ATP5F1A: variants seen among roughly 807,000 people sequenced by gnomAD.
ATP5F1A encodes ATP synthase F1 subunit alpha, also known as ATP synthase F(1) complex subunit alpha, mitochondrial.
A neutral mutation model predicts 57.4 loss-of-function variants in ATP5F1A; 24 were observed. The observed-to-expected ratio is 0.42, with a 90% CI of 0.30 to 0.59. The LOEUF (loss-of-function observed/expected upper bound fraction) is 0.59, where lower values mean the gene tolerates loss of function less well. Among genes scored for constraint, ATP5F1A ranks in the 20% least tolerant of loss-of-function variants. The pLI is 0.19. For missense variants in ATP5F1A, 494 were observed against 707.9 expected, an observed-to-expected ratio of 0.70 and a Z score of 3.43; for synonymous variants, 251 against 255.5, an observed-to-expected ratio of 0.98 and a Z score of 0.17.
In ATP5F1A at chr18:46,087,044, G is replaced by A. The variant is rs1045933115; in HGVS notation, c.1140C>T (p.Tyr380=). ...IETQAGDVSA[Y]IPTNVISITD... is the part of the protein sequence containing the mutation. ...TGATGGAAATGACATTTGTTGGAAT[G>A]TAAGCAGACACATCACCAGCCTGTG... The change falls in exon 8 of 12, where the codon TAC becomes TAT. Residue 380 remains tyrosine (Y), a synonymous_variant. Coordinates refer to ENST00000398752, the MANE Select transcript of ATP5F1A (RefSeq NM_004046.6). The A allele has an allele frequency of 3.1e-6, 5 of 1,613,872 alleles. No homozygotes were observed. Among genetic ancestry groups the A allele is most frequent in the East Asian group, 2.2e-5 (1 of 44,904 alleles).
rs141613719 is a variant in ATP5F1A, at chr18:46,086,195, G to A, written c.1347C>T (p.Phe449=). 93 of 1,612,600 alleles carry A rather than the reference G, an allele frequency of 5.8e-5. No homozygotes were observed. Among genetic ancestry groups the A allele is most frequent in the Middle Eastern group, 2.0e-4 (1 of 4,932 alleles). ...GAGTGGCAGCATCGAGGTCAGAACC[G>A]AACTGGGCAAAAGCAGCAACCTCAC... ...QYREVAAFAQ[F]GSDLDAATQQ... The change falls in exon 10 of 12, where the codon TTC becomes TTT. Residue 449 remains phenylalanine (F), a synonymous_variant. Transcript: ENST00000398752.
At chr18:46,092,792 A>G (rs1462999727) in intron 2 of ATP5F1A, among the ~76,000 whole-genome samples, 1 of 152,048 alleles carries the variant, frequency 6.6e-6, no homozygotes, top group East Asian at 1.9e-4. Context: ...TTAATTTCTA[A>G]GAAATCTGTA....
chr18:46,084,843 T>A, intron 10 of ATP5F1A, 189 bp from the exon 11 acceptor site: 1 of 536,966 alleles, frequency 1.9e-6, no homozygotes, highest in South Asian at 4.3e-5. Context: ...AAAACAGTTA[T>A]TTCTTATATT....
intron 8 of ATP5F1A, chr18:46,086,771 G>T: frequency 3.3e-6 from 2 of 605,312 alleles, no homozygotes; most frequent in African/African-American, 1.8e-5. Context: ...CTAGAAGGGA[G>T]AACAGTAGTG....
chr18:46,088,077 T>A (rs1910255201), intron 6 of ATP5F1A, 32 bp downstream of exon 6: 2 of 1,583,098 alleles, frequency 1.3e-6, no homozygotes, highest in Non-Finnish European at 1.7e-6. Context: ...GGACTTAAGA[T>A]AATAGCAATG....
intron 10 of ATP5F1A, chr18:46,085,306 TAA>T (rs570529381): frequency 7.2e-4 from 77 of 106,496 alleles, no homozygotes; most frequent in African/African-American, 1.2e-3. Flanking sequence ...GACTCTGTAT[TAA>T]AAAAAAAAAA....
At chr18:46,087,722 A>G in intron 6 of ATP5F1A, 1 of 509,138 alleles carries the variant, frequency 2.0e-6, no homozygotes. Context: ...TCTACTAAAA[A>G]TACAAAAATT....
chr18:46,091,855 T>A lies in ATP5F1A; in HGVS notation c.140-4A>T. On this transcript the variant is annotated splice_region_variant and splice_polypyrimidine_tract_variant and intron_variant, in intron 2 of 11. Transcript: ENST00000398752. The stretch of plus-strand genomic sequence containing the variant: ...ATAGAGGACATCTCAGCAGTCCCTA[T>A]GGAAGACAATTCAATTCAATTAAAA... 6.2e-7 allele frequency: 1 copy of A among 1,607,006 alleles called. No individual in the cohort carries two copies. The highest frequency in any genetic ancestry group is 8.5e-7 in the Non-Finnish European group (1 of 1,178,170).
rs977987266 is a variant in ATP5F1A, at chr18:46,088,107, A to C, written c.799+2T>G. 6.3e-7 allele frequency: 1 copy of C among 1,592,020 alleles called. No homozygotes were observed. The highest frequency in any genetic ancestry group is 8.5e-7 in the Non-Finnish European group (1 of 1,175,764). On this transcript the variant is annotated splice_donor_variant, in intron 6 of 11. Coordinates refer to ENST00000398752, the MANE Select transcript of ATP5F1A (RefSeq NM_004046.6). LOFTEE classifies it high-confidence loss of function. Reference sequence around the variant, plus strand: ...GCAATGGGACTAAATTTCTTTTAATACCTGCATCTGTAAGTCTCTTCACCA... The same window carrying C: ...GCAATGGGACTAAATTTCTTTTAATCCCTGCATCTGTAAGTCTCTTCACCA...
chr18:46,098,299 C>A (rs1568256693), upstream of ATP5F1A: 4 of 1,510,610 alleles, frequency 2.6e-6, no homozygotes, highest in Non-Finnish European at 3.5e-6. Flanking sequence ...ACAAAATGGC[C>A]GAGCCGCAAA....
Position 46,088,203 on chromosome 18 carries a change from T to A in ATP5F1A, c.705A>T (p.Gly235=), listed in dbSNP as rs764221847. Residue 235 remains glycine (G), a synonymous_variant, in exon 6 of 12, where the codon GGA becomes GGT. Transcript: ENST00000398752. ...TIINQKRFND[G]SDEKKKLYCI... is the part of the protein sequence containing the mutation. ...AGTACAGCTTCTTCTTTTCATCAGA[T>A]CCATCATTGAAACGTTTCTGGTTAA... 2 of 1,602,124 alleles carry A rather than the reference T, an allele frequency of 1.2e-6. No individual in the cohort carries two copies. The highest frequency in any genetic ancestry group is 8.5e-7 in the Non-Finnish European group (1 of 1,177,602).
In ATP5F1A at chr18:46,081,477, C is replaced by T. The variant is rs9304327; in HGVS notation, c.*2805G>A. 0.38 allele frequency: 58,092 copies of T among 150,894 alleles called. 11,483 individuals are homozygous for T. The highest frequency in any genetic ancestry group is 0.52 in the Middle Eastern group (149 of 288). The allele number at this position is 150,894 out of a possible 1,614,324, so 9.3% of individuals were successfully genotyped here. A position where few individuals can be genotyped will look rare whatever the true frequency, so the allele number is the denominator to read the frequency against. On this transcript the variant is annotated 3_prime_UTR_variant, in exon 12 of 12. Coordinates refer to ENST00000398752, the MANE Select transcript of ATP5F1A (RefSeq NM_004046.6). ...GTCAGGAGTTTGAGACCAGCCTGAC[C>T]AACATGGAGAAACCCCATCTCTACT...
At chr18:46,103,809 G>A (rs1348527554) in intron 1 of ATP5F1A, among the ~76,000 whole-genome samples, 2 of 151,446 alleles carry the variant, frequency 1.3e-5, no homozygotes, top group African/African-American at 2.4e-5. Flanking sequence ...AGCTACTTGG[G>A]AGGCTGAGAC....
At position 46,086,642 on chromosome 18, in the gene ATP5F1A, T is replaced by C. The variant is rs1599770180; in HGVS notation, c.1177-148A>G. On this transcript the variant is annotated intron_variant, in intron 8 of 11. Transcript: ENST00000398752. ...CAAATCTTTCACGACCTGACCTGTA[T>C]ATTTTATTGCTGCAATTAGGAGATG... is the stretch of plus-strand genomic sequence containing the variant. 5.7e-6 allele frequency: 4 copies of C among 705,272 alleles called. No homozygotes were observed. The South Asian group carries it at 5.8e-5, about 10-fold the overall frequency. The allele number at this position is 705,272 out of a possible 1,614,324, so 43.7% of individuals were successfully genotyped here.
At chr18:46,095,193 T>C in intron 1 of ATP5F1A, 62 bp from the exon 2 acceptor site, 1 of 1,501,888 alleles carries the variant, frequency 6.7e-7, no homozygotes, top group East Asian at 2.3e-5. Flanking sequence ...ACTTACAAGC[T>C]TAAACAAATG....
intron 7 of ATP5F1A, 25 bp downstream of exon 7, chr18:46,087,316 A>C (rs780225142): frequency 6.2e-7 from 1 of 1,612,562 alleles, no homozygotes; most frequent in African/African-American, 1.3e-5. Flanking sequence ...AAATAAATGG[A>C]TTCTAAAAAT....
intron 6 of ATP5F1A, 176 bp downstream of exon 6, chr18:46,087,933 C>T (rs1026180195): frequency 5.2e-5 from 34 of 648,806 alleles, no homozygotes; most frequent in Middle Eastern, 4.4e-4. Context: ...TTTAAAGAAA[C>T]CAACAAAACC....
upstream of ATP5F1A, among the ~76,000 whole-genome samples, chr18:46,103,146 T>TAA (rs1226443998): frequency 6.6e-6 from 1 of 150,994 alleles, no homozygotes; most frequent in Non-Finnish European, 1.5e-5. Context: ...CTACTAAAAA[T>TAA]AAAAAAATTA....
Position 46,086,173 on chromosome 18 carries a change from T to G in ATP5F1A, c.1369A>C (p.Thr457Pro). 6.2e-7 allele frequency: 1 copy of G among 1,612,328 alleles called. No individual in the cohort carries two copies. Among genetic ancestry groups the G allele is most frequent in the Non-Finnish European group, 8.5e-7 (1 of 1,180,004 alleles). Residue 457 changes from threonine to proline, a missense_variant, in exon 10 of 12, where the codon ACT (threonine) becomes CCT (proline). Physicochemically the swap from Thr to Pro is conservative, Grantham distance 38. Coordinates refer to ENST00000398752, the MANE Select transcript of ATP5F1A (RefSeq NM_004046.6). The part of the protein sequence containing the change: ...AQFGSDLDAA[T>P]QQLLSRGVRL... Reference sequence around the variant, plus strand: ...ACGCCACGACTCAAAAGTTGTTGAGTGGCAGCATCGAGGTCAGAACCGAAC... The same window carrying G: ...ACGCCACGACTCAAAAGTTGTTGAGGGGCAGCATCGAGGTCAGAACCGAAC...
Sources: gnomAD v4.1 joint callset for allele counts (sites outside exome capture counted in the v4.1 genomes callset) on GRCh38, gnomAD v4.1.1 for gene constraint, MANE v1.5 for transcripts, NCBI Gene and HGNC (gene_info 2026-07-23, HGNC 2026-07-21) for gene names.